The following RBFOX1 variants were observed in gnomAD, a reference collection of about 807,000 sequenced individuals.
RBFOX1 encodes the protein RNA binding protein fox-1 homolog 1.
In RBFOX1, 8 loss-of-function variants were observed where a neutral mutation model predicts 57.7. The ratio of observed to expected loss-of-function variants is 0.14; its 90% CI spans 0.08 to 0.25. The LOEUF is 0.25. Among genes scored for constraint, RBFOX1 ranks in the 10% least tolerant of loss-of-function variants. The pLI, the probability that RBFOX1 is intolerant of heterozygous loss-of-function variation, is 1.00. For missense variants in RBFOX1, 611 were observed against 548.5 expected, an observed-to-expected ratio of 1.11 and a Z score of -1.14; for synonymous variants, 326 against 222.4, an observed-to-expected ratio of 1.47 and a Z score of -4.15.
At chr16:5,640,818 T>C (rs2048841179) in intron 3 of RBFOX1, among the ~76,000 whole-genome samples, 1 of 126,854 alleles carries the variant, frequency 7.9e-6, no homozygotes, top group Non-Finnish European at 1.7e-5. Context: ...ATGCACACCA[T>C]GGATACACAT....
chr16:6,362,300 T>C (rs1185156701), intron 2 of RBFOX1, among the ~76,000 whole-genome samples: 2 of 152,206 alleles, frequency 1.3e-5, no homozygotes, highest in Non-Finnish European at 1.5e-5. Context: ...CACCTTCATT[T>C]GCCTAATTCT....
intron 3 of RBFOX1, among the ~76,000 whole-genome samples, chr16:5,728,787 C>T (rs760869688): frequency 6.6e-6 from 1 of 152,174 alleles, no homozygotes; most frequent in African/African-American, 2.4e-5. Context: ...CTACTCGCCA[C>T]TGTGTTCTGC....
chr16:7,288,581 C>T (rs1022952888), intron 4 of RBFOX1, among the ~76,000 whole-genome samples: 2 of 152,200 alleles, frequency 1.3e-5, no homozygotes, highest in African/African-American at 4.8e-5. Context: ...TGGCTCACAC[C>T]TATAACCCCA....
chr16:7,387,984 T>C (rs1157415899), intron 4 of RBFOX1, among the ~76,000 whole-genome samples: 1 of 152,052 alleles, frequency 6.6e-6, no homozygotes, highest in Non-Finnish European at 1.5e-5. Context: ...GTTCAGCTAT[T>C]GTGGGGGGAA....
At chr16:6,048,561 C>G (rs1431465870) in intron 1 of RBFOX1, among the ~76,000 whole-genome samples, 1 of 152,170 alleles carries the variant, frequency 6.6e-6, no homozygotes, top group Non-Finnish European at 1.5e-5. Context: ...CATTAAAACA[C>G]CACAAATAAC....
At chr16:7,383,161 T>A (rs570868584) in intron 4 of RBFOX1, among the ~76,000 whole-genome samples, 3 of 152,288 alleles carry the variant, frequency 2.0e-5, no homozygotes, top group African/African-American at 7.2e-5. Context: ...TGGGAAATTC[T>A]TGTTTATCCC....
At chr16:7,679,974 T>C (rs1224952613) in intron 14 of RBFOX1, among the ~76,000 whole-genome samples, 1 of 152,190 alleles carries the variant, frequency 6.6e-6, no homozygotes, top group African/African-American at 2.4e-5. Flanking sequence ...AATCTTTATT[T>C]CTAATCTCAC....
At chr16:5,620,235 G>A (rs1238978827) in intron 3 of RBFOX1, among the ~76,000 whole-genome samples, 1 of 152,122 alleles carries the variant, frequency 6.6e-6, no homozygotes, top group African/African-American at 2.4e-5. Context: ...CCCGTTTTGT[G>A]GAGGGGAAAG....
At chr16:6,912,178 C>G (rs2071797607) in intron 3 of RBFOX1, among the ~76,000 whole-genome samples, 1 of 152,176 alleles carries the variant, frequency 6.6e-6, no homozygotes, top group African/African-American at 2.4e-5. Context: ...GGTAAATAAT[C>G]TGAAACTTAA....
intron 4 of RBFOX1, among the ~76,000 whole-genome samples, chr16:7,076,970 G>A (rs1381944834): frequency 1.3e-5 from 2 of 152,208 alleles, no homozygotes; most frequent in African/African-American, 4.8e-5. Context: ...GCTTGGAAAT[G>A]TGCAGTGTTA....
At chr16:7,602,174 C>T (rs1035007836) in intron 9 of RBFOX1, among the ~76,000 whole-genome samples, 3 of 152,216 alleles carry the variant, frequency 2.0e-5, no homozygotes, top group Non-Finnish European at 4.4e-5. Flanking sequence ...ACACCCAATG[C>T]AGTCATAGTT....
chr16:7,468,948 T>C (rs2061036595), intron 4 of RBFOX1, among the ~76,000 whole-genome samples: 1 of 152,044 alleles, frequency 6.6e-6, no homozygotes, highest in Non-Finnish European at 1.5e-5. Context: ...AATTTTTTTT[T>C]TTTGAGGCAG....
rs111856214 is a variant in RBFOX1, at chr16:5,414,610, G to A, written c.220-52606G>A. Among the ~76,000 whole-genome samples, 852 of 152,252 alleles carry A rather than the reference G, an allele frequency of 5.6e-3. 7 individuals are homozygous for A. Among genetic ancestry groups the A allele is most frequent in the Middle Eastern group, 0.031 (9 of 292 alleles). ...TGTCCAGCTTCCAGAAAGCTTAGCT[G>A]GAGGTGACAGCTGGACCTCCATGGC... On this transcript the variant is annotated intron_variant, in intron 1 of 2. Coordinates refer to the RBFOX1 transcript ENST00000585867.
At chr16:7,120,729 G>T (rs2066927706) in intron 4 of RBFOX1, among the ~76,000 whole-genome samples, 1 of 145,432 alleles carries the variant, frequency 6.9e-6, no homozygotes, top group Non-Finnish European at 1.5e-5. Flanking sequence ...GTCTCTTACA[G>T]AAAATAGAAG....
chr16:6,712,821 G>C (rs978687833), intron 3 of RBFOX1, among the ~76,000 whole-genome samples: 4 of 150,014 alleles, frequency 2.7e-5, no homozygotes, highest in Admixed American at 6.7e-5. Context: ...TTGAATTGTA[G>C]CTCTCATCAC....
intron 1 of RBFOX1, among the ~76,000 whole-genome samples, chr16:5,388,977 G>A (rs985211952): frequency 2.0e-5 from 3 of 151,494 alleles, no homozygotes; most frequent in Non-Finnish European, 4.4e-5. Context: ...AGATCACGAG[G>A]TCAGGAGATC....
chr16:5,845,061 C>CT (rs34775077), intron 3 of RBFOX1, among the ~76,000 whole-genome samples: 3,309 of 140,164 alleles, frequency 0.024, 71 homozygotes, highest in South Asian at 0.083. Context: ...ACCCGAGATT[C>CT]TTTTTTTTTT....
At chr16:7,425,158 A>G (rs1405379552) in intron 4 of RBFOX1, among the ~76,000 whole-genome samples, 1 of 152,222 alleles carries the variant, frequency 6.6e-6, no homozygotes, top group Non-Finnish European at 1.5e-5. Context: ...AGAGAAAAAA[A>G]TGTGAAAATT....
At chr16:6,589,471 G>T (rs575701076) in intron 2 of RBFOX1, among the ~76,000 whole-genome samples, 3 of 152,284 alleles carry the variant, frequency 2.0e-5, no homozygotes, top group African/African-American at 7.2e-5. Context: ...CCTCGGTGGG[G>T]TCCACAGACC....
Sources: gnomAD v4.1 joint callset for allele counts (sites outside exome capture counted in the v4.1 genomes callset) on GRCh38, gnomAD v4.1.1 for gene constraint, MANE v1.5 for transcripts, NCBI Gene and HGNC (gene_info 2026-07-23, HGNC 2026-07-21) for gene names.